TM2D1: variants seen among roughly 807,000 people sequenced by gnomAD.
TM2D1 encodes the protein TM2 domain containing 1, also known as TM2 domain-containing protein 1.
Under a neutral mutation model 28.4 loss-of-function variants are expected in TM2D1, and 15 were observed. The observed-to-expected ratio is 0.53, with a 90% CI of 0.35 to 0.81. The LOEUF (loss-of-function observed/expected upper bound fraction) is 0.81. Among genes scored for constraint, TM2D1 ranks in the 40% least tolerant of loss-of-function variants. The probability of loss-of-function intolerance (pLI) is 0.01; values close to 1 mark genes in which losing one functional copy is unlikely to be tolerated. For synonymous variants in TM2D1, 93 were observed against 96.2 expected (o/e 0.97, Z 0.20); for missense variants, 236 against 254.9 (o/e 0.93, Z 0.50).
intron 4 of TM2D1, 23 bp downstream of exon 4, chr1:61,700,908 ATTT>A (rs747012148): frequency 2.0e-6 from 3 of 1,481,182 alleles, no homozygotes; most frequent in Non-Finnish European, 2.8e-6. Context: ...TTTCATAAGG[ATTT>A]TTTTTTAATG....
chr1:61,681,917 AT>A (rs1189062154), intron 6 of TM2D1, among the ~76,000 whole-genome samples: 1 of 152,184 alleles, frequency 6.6e-6, no homozygotes, highest in Admixed American at 6.5e-5. Flanking sequence ...TTAGGTCTTG[AT>A]TTTTTTCCTG....
intron 5 of TM2D1, among the ~76,000 whole-genome samples, chr1:61,692,819 A>C (rs1644338757): frequency 6.6e-6 from 1 of 152,362 alleles, no homozygotes; most frequent in Admixed American, 6.5e-5. Flanking sequence ...ATTTGAAAGC[A>C]GTCTAAACTG....
intron 2 of TM2D1, among the ~76,000 whole-genome samples, chr1:61,717,599 G>A (rs183311703): frequency 1.3e-5 from 2 of 151,936 alleles, no homozygotes; most frequent in East Asian, 1.9e-4. Context: ...TTAGAGACAG[G>A]GTTTCACTCC....
intron 2 of TM2D1, among the ~76,000 whole-genome samples, chr1:61,717,162 C>G (rs1005056133): frequency 6.6e-6 from 1 of 151,506 alleles, no homozygotes; most frequent in Non-Finnish European, 1.5e-5. Flanking sequence ...TCCTGGCTAA[C>G]ACGGTGAAAC....
chr1:61,696,776 C>A (rs955411544), intron 4 of TM2D1, among the ~76,000 whole-genome samples: 2 of 152,112 alleles, frequency 1.3e-5, no homozygotes, highest in Admixed American at 1.3e-4. Flanking sequence ...CCATAACCCA[C>A]TATGCCTGGC....
At chr1:61,708,755 AAACT>A (rs1644457202) in intron 3 of TM2D1, among the ~76,000 whole-genome samples, 1 of 152,214 alleles carries the variant, frequency 6.6e-6, no homozygotes, top group South Asian at 2.1e-4. Context: ...TTAGTGGCAT[AAACT>A]AACTGACCTG....
chr1:61,683,466 T>C lies in TM2D1; in HGVS notation c.594A>G (p.Glu198=). 1 of 1,500,652 alleles carries C rather than the reference T, an allele frequency of 6.7e-7. No homozygotes were observed. The highest frequency in any genetic ancestry group is 8.9e-7 in the Non-Finnish European group (1 of 1,120,886). 93.0% of individuals were successfully genotyped at this position (1,500,652 alleles called of 1,614,324 possible). The change falls in exon 6 of 7, where the codon GAA becomes GAG. Residue 198 remains glutamate (E), a synonymous_variant. Coordinates refer to ENST00000606498, the MANE Select transcript of TM2D1 (RefSeq NM_032027.3). The stretch of plus-strand genomic sequence containing the variant: ...GATATAATTGCGTTTTTCTAAATGT[T>C]TCATTAGTAATACTCAGTCTTGTAA... The part of the protein sequence containing the change: ...TRLTRLSITN[E]TFRKTQLYP
chr1:61,697,129 T>C (rs1255124590), intron 4 of TM2D1, among the ~76,000 whole-genome samples: 2 of 152,212 alleles, frequency 1.3e-5, no homozygotes, highest in East Asian at 1.9e-4. Context: ...GATGGCATTA[T>C]TGGAAACTTC....
intron 4 of TM2D1, chr1:61,696,059 C>T (rs1368349580): frequency 6.6e-6 from 1 of 152,106 alleles, no homozygotes; most frequent in African/African-American, 2.4e-5. Flanking sequence ...TCATTTCATC[C>T]ATTACCTTAA....
chr1:61,694,605 C>A, intron 5 of TM2D1, 92 bp downstream of exon 5: 1 of 794,574 alleles, frequency 1.3e-6, no homozygotes, highest in Non-Finnish European at 1.9e-6. Context: ...TTCTCTGCTT[C>A]CTCGTATACT....
intron 2 of TM2D1, among the ~76,000 whole-genome samples, chr1:61,723,339 A>T (rs1644581698): frequency 6.6e-6 from 1 of 152,228 alleles, no homozygotes; most frequent in South Asian, 2.1e-4. Context: ...TTCATAGATG[A>T]TATAAGTGGA....
intron 5 of TM2D1, among the ~76,000 whole-genome samples, chr1:61,685,234 C>T (rs2148031927): frequency 6.6e-6 from 1 of 152,224 alleles, no homozygotes. Context: ...TCATGCACAT[C>T]TTTTTTAAGT....
chr1:61,695,757 A>C (rs1052555383), intron 4 of TM2D1, among the ~76,000 whole-genome samples: 1 of 152,240 alleles, frequency 6.6e-6, no homozygotes, highest in African/African-American at 2.4e-5. Flanking sequence ...CATATAGCAG[A>C]ATAATGTTGC....
intron 5 of TM2D1, among the ~76,000 whole-genome samples, chr1:61,686,066 A>T (rs1644283237): frequency 6.6e-6 from 1 of 152,164 alleles, no homozygotes; most frequent in Non-Finnish European, 1.5e-5. Flanking sequence ...GAAAACTTGG[A>T]AGAGAAAGCT....
At chr1:61,683,570 T>A (rs1425793583) in intron 5 of TM2D1, 24 bp from the exon 6 acceptor site, 1 of 1,105,838 alleles carries the variant, frequency 9.0e-7, no homozygotes, top group African/African-American at 1.6e-5. Context: ...AATTTCAAAA[T>A]TATTCATTTT....
At chr1:61,714,353 C>A (rs1644501725) in intron 2 of TM2D1, among the ~76,000 whole-genome samples, 1 of 151,658 alleles carries the variant, frequency 6.6e-6, no homozygotes, top group Non-Finnish European at 1.5e-5. Context: ...CCAGCCTGGC[C>A]AACATGGTAA....
At chr1:61,716,461 A>T (rs1692132) in intron 2 of TM2D1, among the ~76,000 whole-genome samples, 2 of 144,932 alleles carry the variant, frequency 1.4e-5, no homozygotes, top group African/African-American at 5.0e-5. Flanking sequence ...TTTTATATAC[A>T]TATATAATTA....
Position 61,725,106 on chromosome 1 carries a change from C to G in TM2D1, c.15G>C (p.Trp5Cys), listed in dbSNP as rs370934266. 2 of 1,613,434 alleles carry G rather than the reference C, an allele frequency of 1.2e-6. No individual in the cohort carries two copies. The highest frequency in any genetic ancestry group is 2.7e-5 in the African/African-American group (2 of 74,954). The change falls in exon 1 of 7, where the codon TGG (tryptophan) becomes TGC (cysteine). Residue 5 changes from tryptophan (W) to cysteine (C), a missense_variant. Around this residue, in one of 3 missense-constraint regions of TM2D1, gnomAD observed 167 missense variants for 162.7 expected, o/e 1.03. Transcript: ENST00000606498. Reference sequence around the variant, plus strand: ...CCTCCGGAGCAGACGGACCAGACGGCCAGGCGGCCGCCATCTTGGAGACCG... The same window carrying G: ...CCTCCGGAGCAGACGGACCAGACGGGCAGGCGGCCGCCATCTTGGAGACCG... MAAA[W>C]PSGPSAPEAV...
intron 3 of TM2D1, among the ~76,000 whole-genome samples, chr1:61,704,913 A>T (rs1260868352): frequency 1.3e-5 from 2 of 152,162 alleles, no homozygotes; most frequent in Non-Finnish European, 2.9e-5. Context: ...TATATTAAAA[A>T]GAGAGAGAGA....
Sources: allele counts gnomAD v4.1 joint callset (sites outside exome capture counted in the v4.1 genomes callset), GRCh38; gene constraint gnomAD v4.1.1; regional missense constraint gnomAD v4.1.1; transcripts MANE v1.5; gene names NCBI Gene and HGNC (gene_info 2026-07-23, HGNC 2026-07-21).